IL10RB: variants seen among roughly 807,000 people sequenced by gnomAD.
IL10RB encodes the protein interleukin-10 receptor subunit beta.
A neutral mutation model predicts 38.7 loss-of-function variants in IL10RB; 30 were observed. The observed-to-expected ratio is 0.78, with a 90% confidence interval of 0.58 to 1.05. The LOEUF is 1.05. Ranked by LOEUF, IL10RB falls within the 50% of genes least tolerant of loss-of-function variation. IL10RB has a pLI of 0.00. For missense variants in IL10RB, 328 were observed against 397.1 expected, an observed-to-expected ratio of 0.83 and a Z score of 1.48; for synonymous variants, 142 against 145.9, an observed-to-expected ratio of 0.97 and a Z score of 0.19.
chr21:33,296,331 C>T lies in IL10RB; in HGVS notation c.952C>T (p.Pro318Ser). 6.2e-7 allele frequency: 1 copy of T among 1,613,960 alleles called. No individual in the cohort carries two copies. ...NPGDSCSLGT[P>S]PGQGPQS ...TGGTGACAGCTGCAGCCTCGGGACC[C>T]CGCCTGGGCAGGGGCCCCAAAGCTA... The change falls in exon 7 of 7, where the codon CCG becomes TCG. Residue 318 changes from proline to serine, a missense_variant. Coordinates refer to ENST00000290200, the MANE Select transcript of IL10RB (RefSeq NM_000628.5).
At chr21:33,270,384 CTT>C (rs796190557) in intron 2 of IL10RB, among the ~76,000 whole-genome samples, 12 of 142,526 alleles carry the variant, frequency 8.4e-5, no homozygotes, top group East Asian at 2.0e-4. Flanking sequence ...GTTTGTTTTT[CTT>C]TTTTTTTTTT....
At chr21:33,284,820 G>A (rs2850002) in intron 5 of IL10RB, among the ~76,000 whole-genome samples, 56,283 of 152,056 alleles carry the variant, frequency 0.37, 11,245 homozygotes, top group Non-Finnish European at 0.45. Context: ...AACAGATACC[G>A]CTATGCTTCC....
chr21:33,302,446 C>G (rs967570477), intron 1 of IL10RB, among the ~76,000 whole-genome samples: 2 of 152,250 alleles, frequency 1.3e-5, no homozygotes, highest in Admixed American at 6.5e-5. Context: ...TCCAACTTCT[C>G]CCTCTGCCCA....
chr21:33,295,543 G>A (rs942557585), intron 6 of IL10RB, among the ~76,000 whole-genome samples: 2 of 149,768 alleles, frequency 1.3e-5, no homozygotes, highest in South Asian at 2.1e-4. Flanking sequence ...ATGGTGGCGG[G>A]CACCTGTAGT....
At chr21:33,278,329 G>A (rs143755939) in intron 3 of IL10RB, among the ~76,000 whole-genome samples, 2 of 152,260 alleles carry the variant, frequency 1.3e-5, no homozygotes, top group African/African-American at 4.8e-5. Flanking sequence ...ATGCTAGGAT[G>A]CCTTTCTTCC....
chr21:33,307,840 C>A (rs1195718920), intron 1 of IL10RB, among the ~76,000 whole-genome samples: 1 of 152,076 alleles, frequency 6.6e-6, no homozygotes, highest in Non-Finnish European at 1.5e-5. Context: ...ATTTTTTGTT[C>A]ACACATTTGT....
Position 33,296,302 on chromosome 21 carries a change from A to T in IL10RB, c.923A>T (p.Asn308Ile). 1 of 1,614,166 alleles carries T rather than the reference A, an allele frequency of 6.2e-7. No homozygotes were observed. The highest frequency in any genetic ancestry group is 1.1e-5 in the South Asian group (1 of 91,088). Residue 308 changes from asparagine (N) to isoleucine (I), a missense_variant, in exon 7 of 7, where the codon AAT (asparagine) becomes ATT (isoleucine). Physicochemically the swap from Asn to Ile is moderately radical, Grantham distance 149 (BLOSUM62 -3). Transcript: ENST00000290200. ...IAEDSESGKQ[N>I]PGDSCSLGTP... is the part of the protein sequence containing the mutation. Reference sequence around the variant, plus strand: ...GAAGACTCTGAGAGCGGCAAGCAGAATCCTGGTGACAGCTGCAGCCTCGGG... The same window carrying T: ...GAAGACTCTGAGAGCGGCAAGCAGATTCCTGGTGACAGCTGCAGCCTCGGG...
At position 33,288,147 on chromosome 21, in the gene IL10RB, G is replaced by A. The variant is rs751559892; in HGVS notation, c.690G>A (p.Ser230=). Residue 230 remains serine (S), a synonymous_variant, in exon 6 of 7, where the codon TCG becomes TCA. Transcript: ENST00000290200. ...SWMVAVILMA[S]VFMVCLALLG... Reference sequence around the variant, plus strand: ...TGGTGGCCGTCATCCTCATGGCCTCGGTCTTCATGGTCTGCCTGGCACTCC... The same window carrying A: ...TGGTGGCCGTCATCCTCATGGCCTCAGTCTTCATGGTCTGCCTGGCACTCC... 9 of 1,613,870 alleles carry A rather than the reference G, an allele frequency of 5.6e-6. No individual in the cohort carries two copies. Among genetic ancestry groups the A allele is most frequent in the African/African-American group, 2.7e-5 (2 of 74,868 alleles).
chr21:33,275,288 T>C (rs546257519), intron 2 of IL10RB, among the ~76,000 whole-genome samples: 3 of 152,016 alleles, frequency 2.0e-5, no homozygotes, highest in Non-Finnish European at 2.9e-5. Context: ...CCTGAGTAGC[T>C]GAGATTACAG....
chr21:33,278,354 T>C (rs1989217648), intron 3 of IL10RB, among the ~76,000 whole-genome samples: 1 of 152,112 alleles, frequency 6.6e-6, no homozygotes, highest in Non-Finnish European at 1.5e-5. Context: ...CCCAATTCCA[T>C]CCCAAGCCTG....
chr21:33,276,464 G>A, intron 2 of IL10RB, 132 bp from the exon 3 acceptor site: 1 of 731,800 alleles, frequency 1.4e-6, no homozygotes, highest in Non-Finnish European at 2.5e-6. Flanking sequence ...GTTCTGTTTT[G>A]AAGACACGTA....
In IL10RB at chr21:33,296,873, G is replaced by GGGAGGA. The variant is rs1037693917; in HGVS notation, c.*528_*533dup. The GGGAGGA allele has an allele frequency of 2.0e-5, 5 of 252,026 alleles. No homozygotes were observed. Among genetic ancestry groups the GGGAGGA allele is most frequent in the African/African-American group, 1.1e-4 (5 of 43,808 alleles). 15.6% of individuals were successfully genotyped at this position (252,026 alleles called of 1,614,324 possible). A position where few individuals can be genotyped will look rare whatever the true frequency, so the allele number is the denominator to read the frequency against. ...TGAGGCAGGAGAATTGCATGAACCC[G>GGGAGGA]GGAGGAGGAGGAGGAGGTTGCAGTG... On this transcript the variant is annotated 3_prime_UTR_variant, in exon 7 of 7. Transcript: ENST00000290200.
intron 1 of IL10RB, among the ~76,000 whole-genome samples, chr21:33,305,306 C>T (rs143206615): frequency 7.9e-5 from 12 of 152,144 alleles, no homozygotes; most frequent in African/African-American, 2.2e-4. Context: ...GACAGGGTTT[C>T]GCCATGTTGC....
At chr21:33,281,776 G>A (rs1989284311) in intron 4 of IL10RB, among the ~76,000 whole-genome samples, 1 of 152,146 alleles carries the variant, frequency 6.6e-6, no homozygotes, top group Non-Finnish European at 1.5e-5. Context: ...GGCTTATATG[G>A]TTCCCCTCTA....
intron 5 of IL10RB, among the ~76,000 whole-genome samples, chr21:33,287,511 A>G (rs191849859): frequency 6.7e-4 from 102 of 152,276 alleles, no homozygotes; most frequent in Non-Finnish European, 1.3e-3. Flanking sequence ...GGTGTCTGCC[A>G]TCATACCCAG....
At chr21:33,307,813 G>A (rs377078649) in intron 1 of IL10RB, among the ~76,000 whole-genome samples, 54 of 151,896 alleles carry the variant, frequency 3.6e-4, no homozygotes, top group African/African-American at 1.2e-3. Flanking sequence ...ATAATATTTC[G>A]ATTCAATTCA....
intron 1 of IL10RB, among the ~76,000 whole-genome samples, chr21:33,303,779 C>T (rs1224932734): frequency 6.6e-6 from 1 of 152,262 alleles, no homozygotes; most frequent in East Asian, 1.9e-4. Flanking sequence ...ACCAGACCTA[C>T]AGCCCCCGCT....
Position 33,276,739 on chromosome 21 carries a change from G to C in IL10RB, c.317G>C (p.Cys106Ser), listed in dbSNP as rs1252994838. 4 of 1,614,026 alleles carry C rather than the reference G, an allele frequency of 2.5e-6. No individual in the cohort carries two copies. The highest frequency in any genetic ancestry group is 3.4e-6 in the Non-Finnish European group (4 of 1,179,910). ...EHSDWVNITF[C>S]PVDDTIIGPP... ...TCAGACTGGGTAAACATCACCTTCT[G>C]TCCTGTGGATGACAGTAAGCCATTT... Residue 106 changes from cysteine to serine, a missense_variant, in exon 3 of 7, where the codon TGT becomes TCT. Transcript: ENST00000290200.
intron 5 of IL10RB, among the ~76,000 whole-genome samples, chr21:33,284,835 C>T (rs1240775815): frequency 1.3e-5 from 2 of 152,202 alleles, no homozygotes; most frequent in Non-Finnish European, 2.9e-5. Context: ...GCTTCCTGTA[C>T]AGCCTGCAGA....
Sources: gnomAD v4.1 joint callset for allele counts (sites outside exome capture counted in the v4.1 genomes callset) on GRCh38, gnomAD v4.1.1 for gene constraint, MANE v1.5 for transcripts, NCBI Gene and HGNC (gene_info 2026-07-23, HGNC 2026-07-21) for gene names.